CFTR: variants seen among roughly 807,000 people sequenced by gnomAD.
CFTR encodes the protein CF transmembrane conductance regulator.
A neutral mutation model predicts 171.6 loss-of-function variants in CFTR; 181 were observed. That is an observed-to-expected ratio of 1.05 (90% CI 0.93 to 1.19). CFTR has a LOEUF of 1.19. CFTR is among the 50% of genes most tolerant of loss of function. The probability of loss-of-function intolerance (pLI) is 0.00; values close to 1 mark genes in which losing one functional copy is unlikely to be tolerated. For synonymous variants in CFTR, 583 were observed against 608.0 expected, an observed-to-expected ratio of 0.96 and a Z score of 0.60; for missense variants, 1,968 against 1,734.7, an observed-to-expected ratio of 1.13 and a Z score of -2.39.
chr7:117,548,532 T>C, intron 9 of CFTR, 109 bp from the exon 10 acceptor site: 1 of 1,539,734 alleles, frequency 6.5e-7, no homozygotes, highest in Non-Finnish European at 8.8e-7. Context: ...TCATGGGCCA[T>C]GTGCTTTTCA....
intron 8 of CFTR, among the ~76,000 whole-genome samples, chr7:117,541,528 C>T (rs1799052051): frequency 1.3e-5 from 2 of 152,128 alleles, no homozygotes; most frequent in African/African-American, 4.8e-5. Context: ...TAGAGCCCTT[C>T]TTTTAGAATC....
At chr7:117,577,700 A>G (rs771181153) in intron 11 of CFTR, among the ~76,000 whole-genome samples, 3 of 152,112 alleles carry the variant, frequency 2.0e-5, no homozygotes, top group Non-Finnish European at 2.9e-5. Context: ...TACCAATACA[A>G]TTGACCCTTG....
intron 3 of CFTR, among the ~76,000 whole-genome samples, chr7:117,511,569 T>A (rs1325825951): frequency 6.6e-6 from 1 of 152,080 alleles, no homozygotes; most frequent in Non-Finnish European, 1.5e-5. Context: ...AATGGAATAT[T>A]GGTGAGTAAA....
intron 15 of CFTR, among the ~76,000 whole-genome samples, chr7:117,598,391 T>G (rs213977): frequency 0.55 from 82,806 of 151,908 alleles, 25,261 homozygotes; most frequent in African/African-American, 0.84. Context: ...AAGTATAAAT[T>G]TGTAAATAAC....
chr7:117,556,141 T>G lies in CFTR; in HGVS notation c.1393-3323T>G, dbSNP rs1473413201. Reference sequence around the variant, plus strand: ...GCACAGTGGTGCGATCTCGGCTCACTGCAACCTCTGCCTCCCGGGCTCAAG... The same window carrying G: ...GCACAGTGGTGCGATCTCGGCTCACGGCAACCTCTGCCTCCCGGGCTCAAG... On this transcript the variant is annotated intron_variant, in intron 10 of 26. Transcript: ENST00000003084. 2.0e-5 allele frequency among the ~76,000 whole-genome samples: 3 copies of G among 152,148 alleles called. 1 individual carries two copies. In the South Asian group the frequency reaches 6.2e-4, roughly 32 times the overall value.
At chr7:117,635,840 T>TGG (rs1412409311) in intron 22 of CFTR, among the ~76,000 whole-genome samples, 1 of 152,116 alleles carries the variant, frequency 6.6e-6, no homozygotes, top group East Asian at 1.9e-4. Flanking sequence ...TATTTATGAT[T>TGG]GAATATATTG....
At chr7:117,537,965 A>G (rs1192932778) in intron 7 of CFTR, among the ~76,000 whole-genome samples, 1 of 152,160 alleles carries the variant, frequency 6.6e-6, no homozygotes, top group Non-Finnish European at 1.5e-5. Flanking sequence ...CAAACTCATG[A>G]TAAACTCATG....
intron 10 of CFTR, among the ~76,000 whole-genome samples, chr7:117,553,208 T>C (rs1267912646): frequency 8.0e-5 from 12 of 149,270 alleles, no homozygotes; most frequent in Non-Finnish European, 8.8e-5. Flanking sequence ...TATTTTGTTA[T>C]AGCAGCCTGA....
At chr7:117,613,323 C>T (rs1234797648) in intron 20 of CFTR, among the ~76,000 whole-genome samples, 1 of 152,078 alleles carries the variant, frequency 6.6e-6, no homozygotes, top group Admixed American at 6.6e-5. Flanking sequence ...CATTATAGTA[C>T]AGAACTTACC....
chr7:117,635,384 G>A (rs933197842), intron 22 of CFTR, among the ~76,000 whole-genome samples: 30 of 151,930 alleles, frequency 2.0e-4, no homozygotes, highest in African/African-American at 7.0e-4. Flanking sequence ...GTTGTTTTTC[G>A]ATCCACTTTG....
intron 3 of CFTR, among the ~76,000 whole-genome samples, chr7:117,518,139 T>C (rs1388922925): frequency 6.6e-6 from 1 of 151,880 alleles, no homozygotes; most frequent in Non-Finnish European, 1.5e-5. Context: ...GAACTCTATA[T>C]GTAGTTGGTG....
At chr7:117,633,508 C>T (rs971678926) in intron 22 of CFTR, among the ~76,000 whole-genome samples, 66 of 151,974 alleles carry the variant, frequency 4.3e-4, no homozygotes, top group Non-Finnish European at 4.4e-5. Context: ...TTTCTTATTT[C>T]ATTAGCTAGG....
In CFTR at chr7:117,504,017, T is replaced by C. The variant is rs537258696; in HGVS notation, c.54-236T>C. On this transcript the variant is annotated intron_variant, in intron 1 of 26. Coordinates refer to ENST00000003084, the MANE Select transcript of CFTR (RefSeq NM_000492.4). The stretch of plus-strand genomic sequence containing the variant: ...TTCCCTGGGAAAAACCATACTATTA[T>C]TCCCTCCCAATCCCTTTGACAAAGT... 2.0e-5 allele frequency among the ~76,000 whole-genome samples: 3 copies of C among 152,284 alleles called. No individual in the cohort carries two copies. In the East Asian group the frequency reaches 5.8e-4, roughly 29 times the overall value.
At position 117,502,230 on chromosome 7, in the gene CFTR, T is replaced by C. The variant is rs186887908; in HGVS notation, c.54-2023T>C. ...TTTCTTAAATAGGGAAAGTTGAACATGGTAAAAGAATGAATGAAGTCAAAA... is the reference window on the plus strand; with the variant it reads ...TTTCTTAAATAGGGAAAGTTGAACACGGTAAAAGAATGAATGAAGTCAAAA... On this transcript the variant is annotated intron_variant, in intron 1 of 26. Transcript: ENST00000003084. 9.2e-5 allele frequency among the ~76,000 whole-genome samples: 14 copies of C among 152,298 alleles called. No individual in the cohort carries two copies. The East Asian group carries it at 2.3e-3, about 25-fold the overall frequency.
Position 117,559,603 on chromosome 7 carries a change from C to T in CFTR, c.1532C>T (p.Ser511Phe). ...TIKENIIFGV[S>F]YDEYRYRSVI... ...AAAGAAAATATCATCTTTGGTGTTT[C>T]CTATGATGAATATAGATACAGAAGC... The change falls in exon 11 of 27, where the codon TCC becomes TTC. Residue 511 changes from serine (S) to phenylalanine (F), a missense_variant. Ser to Phe is a radical substitution (Grantham distance 155). Coordinates refer to ENST00000003084, the MANE Select transcript of CFTR (RefSeq NM_000492.4). 1 of 1,613,118 alleles carries T rather than the reference C, an allele frequency of 6.2e-7. No individual in the cohort carries two copies. The highest frequency in any genetic ancestry group is 8.5e-7 in the Non-Finnish European group (1 of 1,179,370).
chr7:117,567,178 T>C (rs952377762), intron 11 of CFTR, among the ~76,000 whole-genome samples: 3 of 152,140 alleles, frequency 2.0e-5, no homozygotes, highest in Non-Finnish European at 4.4e-5. Flanking sequence ...TCTTGAAGAA[T>C]TGAGATTCTC....
rs201382911 is a variant in CFTR at position 117,642,477 on chromosome 7, T to C, written c.3757T>C (p.Leu1253=). Residue 1253 remains leucine (L), a synonymous_variant, in exon 23 of 27, where the codon TTG becomes CTG. Transcript: ENST00000003084. ...LGRTGSGKST[L]LSAFLRLLNT... ...AAGAACTGGATCAGGGAAGAGTACT[T>C]TGTTATCAGCTTTTTTGAGACTACT... 3 of 1,613,694 alleles carry C rather than the reference T, an allele frequency of 1.9e-6. No homozygotes were observed. The South Asian group carries it at 3.3e-5, about 18-fold the overall frequency.
intron 21 of CFTR, among the ~76,000 whole-genome samples, chr7:117,616,064 C>T (rs1339979036): frequency 3.9e-5 from 6 of 152,024 alleles, no homozygotes; most frequent in Non-Finnish European, 1.5e-5. Context: ...ATGATCAACT[C>T]CTGTCAGAAC....
chr7:117,587,156 T>TGCTGAGAATGGA (rs1791948686), intron 11 of CFTR, among the ~76,000 whole-genome samples: 1 of 151,736 alleles, frequency 6.6e-6, no homozygotes, highest in Non-Finnish European at 1.5e-5. Context: ...TGGAGAGAGG[T>TGCTGAGAATGGA]CGTGAGAATG....
Sources: gnomAD v4.1 joint callset for allele counts (sites outside exome capture counted in the v4.1 genomes callset) on GRCh38, gnomAD v4.1.1 for gene constraint, MANE v1.5 for transcripts, NCBI Gene and HGNC (gene_info 2026-07-23, HGNC 2026-07-21) for gene names.